The following MPRIP variants were observed in gnomAD, a reference collection of about 807,000 sequenced individuals.
MPRIP encodes myosin phosphatase Rho-interacting protein.
Under a neutral mutation model 234.9 loss-of-function variants are expected in MPRIP, and 59 were observed. The observed-to-expected ratio is 0.25, with a 90% CI of 0.20 to 0.31. The LOEUF (loss-of-function observed/expected upper bound fraction) is 0.31, where lower values mean the gene tolerates loss of function less well. Ranked by LOEUF, MPRIP falls within the 10% of genes least tolerant of loss-of-function variation. MPRIP has a pLI of 1.00. For synonymous variants in MPRIP, 1,144 were observed against 1,263.9 expected (o/e 0.91, Z 2.01); for missense variants, 2,436 against 3,071.0 (o/e 0.79, Z 4.89).
intron 20 of MPRIP, 110 bp from the exon 21 acceptor site, chr17:17,176,316 G>T: frequency 1.2e-6 from 1 of 800,688 alleles, no homozygotes; most frequent in South Asian, 1.4e-5. Context: ...CCACGAGGCT[G>T]CCCTGCTCAC....
Position 17,123,390 on chromosome 17 carries a change from G to A in MPRIP, c.268-3312G>A, listed in dbSNP as rs528405112. 1.6e-4 allele frequency among the ~76,000 whole-genome samples: 25 copies of A among 152,116 alleles called. 1 individual carries two copies. The highest frequency in any genetic ancestry group is 3.4e-4 in the Non-Finnish European group (23 of 68,016). Reference sequence around the variant, plus strand: ...TAAAAAGAAAAGTTAGGCCAGGGGCGGTGGCTTCGCGCCTGTAATGCCAGC... The same window carrying A: ...TAAAAAGAAAAGTTAGGCCAGGGGCAGTGGCTTCGCGCCTGTAATGCCAGC... On this transcript the variant is annotated intron_variant, in intron 3 of 23. Coordinates refer to ENST00000651222, the MANE Select transcript of MPRIP (RefSeq NM_001364716.4).
intron 3 of MPRIP, among the ~76,000 whole-genome samples, chr17:17,109,060 C>G (rs912551985): frequency 3.3e-5 from 5 of 152,244 alleles, no homozygotes; most frequent in Admixed American, 3.3e-4. Context: ...CTCTCCCTTT[C>G]CTTCTGTGTC....
At chr17:17,069,306 C>T (rs184397803) in intron 1 of MPRIP, among the ~76,000 whole-genome samples, 1 of 152,028 alleles carries the variant, frequency 6.6e-6, no homozygotes, top group African/African-American at 2.4e-5. Context: ...TTTCAACCTG[C>T]CTGTCATCAT....
chr17:17,043,566 C>T (rs1036063967), intron 1 of MPRIP, among the ~76,000 whole-genome samples: 9 of 152,080 alleles, frequency 5.9e-5, no homozygotes, highest in African/African-American at 1.4e-4. Context: ...TGTGGGTCCT[C>T]GGGAAAGTTG....
chr17:17,067,246 T>G (rs950233160), intron 1 of MPRIP, among the ~76,000 whole-genome samples: 21 of 152,210 alleles, frequency 1.4e-4, no homozygotes, highest in Admixed American at 1.4e-3. Flanking sequence ...TTGAAAACTT[T>G]TACCATTTCC....
At chr17:17,132,420 T>A (rs2090615102) in intron 5 of MPRIP, among the ~76,000 whole-genome samples, 1 of 152,190 alleles carries the variant, frequency 6.6e-6, no homozygotes, top group African/African-American at 2.4e-5. Flanking sequence ...TTGGACCTAT[T>A]ATAGGTTCTC....
intron 16 of MPRIP, chr17:17,169,100 C>G (rs2046074016): frequency 1.2e-5 from 5 of 425,168 alleles, no homozygotes; most frequent in Middle Eastern, 3.4e-4. Flanking sequence ...TTCCCCAAAT[C>G]AGTCAAAACC....
chr17:17,047,163 A>G lies in MPRIP; in HGVS notation c.123+4192A>G, dbSNP rs182867885. Among the ~76,000 whole-genome samples the G allele has an allele frequency of 2.2e-3, 331 of 152,350 alleles. 1 individual carries two copies. The highest frequency in any genetic ancestry group is 0.017 in the Middle Eastern group (5 of 294). ...GCCACAGCACTGCAGCCTGGGCAAC[A>G]AAGTGAGACTCCTTCTCAAAAAAGT... On this transcript the variant is annotated intron_variant, in intron 1 of 23. Transcript: ENST00000651222.
At chr17:17,096,704 G>T (rs2089853965) in intron 3 of MPRIP, 1 of 468,416 alleles carries the variant, frequency 2.1e-6, no homozygotes, top group South Asian at 1.6e-5. Flanking sequence ...GCAGATCTGG[G>T]GCTCAGCCCT....
chr17:17,167,511 C>T lies in MPRIP; in HGVS notation c.5920C>T (p.Leu1974=). ...ACTGCAGGCTGAGCGCAGCCGGGTC[C>T]TGAGCCAGCTGGATGCCTCGGTCAG... ...STLQAERSRV[L]SQLDASVRDR... The change falls in exon 16 of 24, where the codon CTG becomes TTG. Residue 1974 remains leucine (L), a synonymous_variant. Transcript: ENST00000651222. The surrounding 1 kb of genome is among the most constrained non-coding windows in gnomAD (Gnocchi z 5.9). 7.7e-7 allele frequency: 1 copy of T among 1,304,164 alleles called. No homozygotes were observed. Among genetic ancestry groups the T allele is most frequent in the African/African-American group, 1.5e-5 (1 of 65,974 alleles). The allele number at this position is 1,304,164 out of a possible 1,614,324, so 80.8% of individuals were successfully genotyped here.
chr17:17,064,896 G>T (rs1051284822), intron 1 of MPRIP, among the ~76,000 whole-genome samples: 2 of 152,172 alleles, frequency 1.3e-5, no homozygotes, highest in Non-Finnish European at 2.9e-5. Context: ...CTAGGTTGTA[G>T]GTAGTTGCAT....
chr17:17,167,816 C>T lies in MPRIP; in HGVS notation c.6225C>T (p.Ala2075=), dbSNP rs887338161. 8 of 1,304,238 alleles carry T rather than the reference C, an allele frequency of 6.1e-6. No homozygotes were observed. Among genetic ancestry groups the T allele is most frequent in the Non-Finnish European group, 8.1e-6 (8 of 988,976 alleles). 80.8% of individuals were successfully genotyped at this position (1,304,238 alleles called of 1,614,324 possible). ...GLRERIQELE[A]QMDVMREELG... is the part of the protein sequence containing the mutation. Reference sequence around the variant, plus strand: ...GGGAGCGCATCCAGGAGCTGGAGGCCCAGATGGATGTCATGCGGGAGGAGC... The same window carrying T: ...GGGAGCGCATCCAGGAGCTGGAGGCTCAGATGGATGTCATGCGGGAGGAGC... The change falls in exon 16 of 24, where the codon GCC becomes GCT. Residue 2075 remains alanine (A), a synonymous_variant. Coordinates refer to ENST00000651222, the MANE Select transcript of MPRIP (RefSeq NM_001364716.4). The surrounding 1 kb of genome is among the most constrained non-coding windows in gnomAD (Gnocchi z 5.9).
intron 13 of MPRIP, among the ~76,000 whole-genome samples, chr17:17,156,544 C>T (rs887140215): frequency 3.9e-5 from 6 of 152,242 alleles, no homozygotes; most frequent in African/African-American, 1.4e-4. Context: ...CTGCTGTCCT[C>T]GTCCTGCTCT....
At chr17:17,048,654 G>C (rs8068587) in intron 1 of MPRIP, among the ~76,000 whole-genome samples, 6,801 of 152,200 alleles carry the variant, frequency 0.045, 472 homozygotes, top group African/African-American at 0.14. Flanking sequence ...TACCTGTCAG[G>C]ATGGCTAGAA....
rs1274360790 is a variant in MPRIP at position 17,131,600 on chromosome 17, T to C, written c.420-17T>C. Reference sequence around the variant, plus strand: ...GCCAGGGTCTTACCTGGTACTTGTCTCCTTTTCTCTTCCCAGGTGGCTGGA... The same window carrying C: ...GCCAGGGTCTTACCTGGTACTTGTCCCCTTTTCTCTTCCCAGGTGGCTGGA... On this transcript the variant is annotated splice_polypyrimidine_tract_variant and intron_variant, in intron 4 of 23. Transcript: ENST00000651222. The C allele has an allele frequency of 1.2e-6, 2 of 1,612,628 alleles. No homozygotes were observed. Among genetic ancestry groups the C allele is most frequent in the Middle Eastern group, 1.6e-4 (1 of 6,076 alleles).
At chr17:17,079,821 C>A (rs963051932) in intron 3 of MPRIP, among the ~76,000 whole-genome samples, 1 of 152,236 alleles carries the variant, frequency 6.6e-6, no homozygotes, top group African/African-American at 2.4e-5. Context: ...CTTCTGGGGA[C>A]GCCTTGGTGC....
intron 6 of MPRIP, 98 bp from the exon 7 acceptor site, chr17:17,137,818 C>T: frequency 9.1e-7 from 1 of 1,097,092 alleles, no homozygotes; most frequent in Non-Finnish European, 1.3e-6. Context: ...TGGAGAAGGC[C>T]CCTGCTTGGA....
chr17:17,147,547 CT>C (rs2045501088), intron 11 of MPRIP, among the ~76,000 whole-genome samples, 160 bp downstream of exon 11: 1 of 152,160 alleles, frequency 6.6e-6, no homozygotes, highest in African/African-American at 2.4e-5. Context: ...ATGTTGCCCT[CT>C]TGGGTTTCCC....
At chr17:17,172,453 A>G (rs916617746) in intron 17 of MPRIP, among the ~76,000 whole-genome samples, 7 of 152,200 alleles carry the variant, frequency 4.6e-5, no homozygotes, top group African/African-American at 1.7e-4. Context: ...TTCTTCTAAC[A>G]CCAAAAAAAA....
Sources: allele counts gnomAD v4.1 joint callset (sites outside exome capture counted in the v4.1 genomes callset), GRCh38; gene constraint gnomAD v4.1.1; non-coding constraint Gnocchi (gnomAD v3.1); transcripts MANE v1.5; gene names NCBI Gene and HGNC (gene_info 2026-07-23, HGNC 2026-07-21).